The following ZCWPW2 variants were observed in gnomAD, a reference collection of about 807,000 sequenced individuals.
ZCWPW2 encodes the protein zinc finger CW-type PWWP domain protein 2.
Under a neutral mutation model 46.6 loss-of-function variants are expected in ZCWPW2, and 45 were observed. That is an observed-to-expected ratio of 0.96 (90% CI 0.76 to 1.24). ZCWPW2 has a LOEUF of 1.24. ZCWPW2 is among the 50% of genes most tolerant of loss of function. The pLI, the probability that ZCWPW2 is intolerant of heterozygous loss-of-function variation, is 0.00. For synonymous variants in ZCWPW2, 152 were observed against 137.1 expected, an observed-to-expected ratio of 1.11 and a Z score of -0.76; for missense variants, 429 against 403.9, an observed-to-expected ratio of 1.06 and a Z score of -0.53.
intron 2 of ZCWPW2, among the ~76,000 whole-genome samples, chr3:28,399,622 C>T (rs1204422172): frequency 1.3e-5 from 2 of 152,184 alleles, no homozygotes; most frequent in African/African-American, 4.8e-5. Flanking sequence ...GTGCAGACAA[C>T]CCCCAGTATC....
At chr3:28,474,650 T>G (rs1699168735) in intron 4 of ZCWPW2, among the ~76,000 whole-genome samples, 1 of 151,722 alleles carries the variant, frequency 6.6e-6, no homozygotes, top group Non-Finnish European at 1.5e-5. Flanking sequence ...CATGCGCATT[T>G]GTGTATGTGT....
chr3:28,514,082 A>G lies in ZCWPW2; in HGVS notation c.676A>G (p.Asn226Asp). 7 of 1,510,084 alleles carry G rather than the reference A, an allele frequency of 4.6e-6. No individual in the cohort carries two copies. The highest frequency in any genetic ancestry group is 6.3e-6 in the Non-Finnish European group (7 of 1,102,870). The allele number at this position is 1,510,084 out of a possible 1,614,324, so 93.5% of individuals were successfully genotyped here. A position where few individuals can be genotyped will look rare whatever the true frequency, so the allele number is the denominator to read the frequency against. ...GTTATAGAAGCAGACTTCTAAAAAT[A>G]ATATTGAAAAGAAGAAGCCCAAATT... ...VKKRKQTSKNNIEKKKPKFRK... is the reference protein window; with the variant it reads ...VKKRKQTSKNDIEKKKPKFRK... Residue 226 changes from asparagine (N) to aspartate (D), a missense_variant, in exon 7 of 10, where the codon AAT becomes GAT. Coordinates refer to ENST00000383768, the MANE Select transcript of ZCWPW2 (RefSeq NM_001040432.4).
intron 2 of ZCWPW2, among the ~76,000 whole-genome samples, chr3:28,399,128 T>C (rs1040111385): frequency 6.6e-6 from 1 of 152,070 alleles, no homozygotes; most frequent in Non-Finnish European, 1.5e-5. Flanking sequence ...GCCCTTCAGA[T>C]TGTTTGGCAG....
chr3:28,447,870 C>T (rs1453650117), intron 4 of ZCWPW2: 2 of 1,025,662 alleles, frequency 1.9e-6, no homozygotes, highest in Non-Finnish European at 3.0e-6. Context: ...GTGGTGTGTG[C>T]CCAGGCAGAC....
rs767132497 is a variant in ZCWPW2 at position 28,394,069 on chromosome 3, A to G, written c.-14+3452A>G. On this transcript the variant is annotated intron_variant, in intron 2 of 9. Coordinates refer to ENST00000383768, the MANE Select transcript of ZCWPW2 (RefSeq NM_001040432.4). ...ATCATAAAACTGTTAGAACTAATAAATTTACAAAAGATACAGGTTATAAAA... is the reference window on the plus strand; with the variant it reads ...ATCATAAAACTGTTAGAACTAATAAGTTTACAAAAGATACAGGTTATAAAA... 2.2e-4 allele frequency among the ~76,000 whole-genome samples: 33 copies of G among 152,128 alleles called. 2 individuals carry two copies. The highest frequency in any genetic ancestry group is 1.4e-3 in the Admixed American group (21 of 15,272).
intron 5 of ZCWPW2, 109 bp downstream of exon 5, chr3:28,479,040 G>A: frequency 1.5e-6 from 1 of 651,444 alleles, no homozygotes; most frequent in Non-Finnish European, 2.6e-6. Flanking sequence ...CTCTTCATAG[G>A]GAAATAGTAT....
intron 5 of ZCWPW2, among the ~76,000 whole-genome samples, chr3:28,489,983 A>G (rs1291408314): frequency 6.6e-6 from 1 of 152,116 alleles, no homozygotes; most frequent in Middle Eastern, 3.2e-3. Flanking sequence ...TAAGCAAAAA[A>G]TAACCCCATT....
intron 1 of ZCWPW2, among the ~76,000 whole-genome samples, chr3:28,370,477 G>A (rs1705289590): frequency 6.6e-6 from 1 of 152,108 alleles, no homozygotes; most frequent in Admixed American, 6.6e-5. Flanking sequence ...GGGCACAAAA[G>A]AATACATTAT....
At chr3:28,507,911 A>T (rs1379122734) in intron 6 of ZCWPW2, among the ~76,000 whole-genome samples, 3 of 152,100 alleles carry the variant, frequency 2.0e-5, no homozygotes, top group Non-Finnish European at 4.4e-5. Context: ...TCTGTTTGTA[A>T]TTCTGTGTTT....
intron 1 of ZCWPW2, among the ~76,000 whole-genome samples, chr3:28,387,176 A>G (rs886443470): frequency 2.6e-5 from 4 of 152,212 alleles, no homozygotes; most frequent in South Asian, 2.1e-4. Context: ...GATCCCTCCA[A>G]TATTCACTAT....
At chr3:28,474,620 T>TGTGTGTGCGC (rs777191108) in intron 4 of ZCWPW2, among the ~76,000 whole-genome samples, 38 of 121,686 alleles carry the variant, frequency 3.1e-4, no homozygotes, top group Non-Finnish European at 5.4e-4. Context: ...TGTGTGTGTG[T>TGTGTGTGCGC]GCGCGCGCGC....
chr3:28,422,342 A>G (rs1466142975), intron 3 of ZCWPW2, among the ~76,000 whole-genome samples: 1 of 152,196 alleles, frequency 6.6e-6, no homozygotes, highest in Non-Finnish European at 1.5e-5. Flanking sequence ...GAATAGTTAT[A>G]TTGGCCTAAA....
intron 6 of ZCWPW2, among the ~76,000 whole-genome samples, chr3:28,506,755 T>A (rs553520207): frequency 9.5e-4 from 145 of 152,212 alleles, no homozygotes; most frequent in African/African-American, 3.4e-3. Flanking sequence ...ACAGCAGTCC[T>A]AGGAAACTAG....
intron 1 of ZCWPW2, among the ~76,000 whole-genome samples, chr3:28,376,390 C>G (rs923574027): frequency 6.6e-6 from 1 of 152,008 alleles, no homozygotes; most frequent in Admixed American, 6.6e-5. Flanking sequence ...TTTATATTAC[C>G]CATATCTTTA....
chr3:28,524,097 A>G (rs556395829), intron 9 of ZCWPW2, among the ~76,000 whole-genome samples: 1 of 152,138 alleles, frequency 6.6e-6, no homozygotes, highest in Non-Finnish European at 1.5e-5. Context: ...TTTTACTAGT[A>G]TCCTTTCCCA....
At chr3:28,380,531 C>T (rs1399345727) in intron 1 of ZCWPW2, among the ~76,000 whole-genome samples, 6 of 152,156 alleles carry the variant, frequency 3.9e-5, no homozygotes, top group Non-Finnish European at 8.8e-5. Flanking sequence ...TTACTATAAA[C>T]CTGCCATTGC....
intron 4 of ZCWPW2, among the ~76,000 whole-genome samples, chr3:28,463,267 T>C (rs558291508): frequency 1.4e-4 from 22 of 152,258 alleles, no homozygotes; most frequent in African/African-American, 5.1e-4. Context: ...TATAAACATA[T>C]TAAGGATATA....
intron 4 of ZCWPW2, among the ~76,000 whole-genome samples, chr3:28,452,696 T>C (rs1240804078): frequency 3.9e-5 from 6 of 152,206 alleles, no homozygotes. Flanking sequence ...GTGCTTGTCA[T>C]ACAGTAGGCT....
chr3:28,445,785 A>T (rs1697968391), intron 4 of ZCWPW2, among the ~76,000 whole-genome samples: 1 of 152,166 alleles, frequency 6.6e-6, no homozygotes, highest in Non-Finnish European at 1.5e-5. Context: ...CTGCTCTCTA[A>T]CAAGAGATTC....
Sources: allele counts gnomAD v4.1 joint callset (sites outside exome capture counted in the v4.1 genomes callset), GRCh38; gene constraint gnomAD v4.1.1; transcripts MANE v1.5; gene names NCBI Gene and HGNC (gene_info 2026-07-23, HGNC 2026-07-21).